FOXN2: variants seen among roughly 807,000 people sequenced by gnomAD.
The protein encoded by FOXN2 is forkhead box protein N2.
In FOXN2, 19 loss-of-function variants were observed where a neutral mutation model predicts 41.2. The observed-to-expected ratio is 0.46, with a 90% CI of 0.32 to 0.68. The LOEUF (loss-of-function observed/expected upper bound fraction) is 0.68. FOXN2 is among the 30% of genes least tolerant of loss of function. FOXN2 has a pLI of 0.03. For missense variants in FOXN2, 587 were observed against 509.4 expected (o/e 1.15, Z -1.47); for synonymous variants, 195 against 176.8 (o/e 1.10, Z -0.82).
intron 5 of FOXN2, among the ~76,000 whole-genome samples, chr2:48,369,504 C>G (rs368140821): frequency 1.3e-5 from 2 of 152,148 alleles, no homozygotes; most frequent in South Asian, 2.1e-4. Flanking sequence ...TGCCATTGCA[C>G]TCCAGCCTGG....
chr2:48,341,613 G>A (rs1003300081), intron 2 of FOXN2, among the ~76,000 whole-genome samples: 5 of 152,208 alleles, frequency 3.3e-5, no homozygotes, highest in Non-Finnish European at 7.3e-5. Context: ...ATGGATGCCA[G>A]GGTAAAATGC....
rs564464471 is a variant in FOXN2, at chr2:48,354,883, CAA to C, written c.538-4159_538-4158del. On this transcript the variant is annotated intron_variant, in intron 3 of 6. Coordinates refer to ENST00000340553, the MANE Select transcript of FOXN2 (RefSeq NM_002158.4). ...GTGAGGGACATTCAAATTAAAAGAA[CAA>C]AAAATGCTTTTTTATCTATTAGAAT... Among the ~76,000 whole-genome samples the C allele has an allele frequency of 1.2e-4, 19 of 152,122 alleles. No homozygotes were observed. The South Asian group carries it at 3.9e-3, about 32-fold the overall frequency.
chr2:48,361,800 G>A (rs1672206375), intron 4 of FOXN2, among the ~76,000 whole-genome samples: 1 of 151,986 alleles, frequency 6.6e-6, no homozygotes, highest in East Asian at 1.9e-4. Flanking sequence ...AACTGTTGGT[G>A]TCTTTCCATG....
intron 2 of FOXN2, among the ~76,000 whole-genome samples, chr2:48,329,639 C>T (rs1669905509): frequency 6.6e-6 from 1 of 152,076 alleles, no homozygotes; most frequent in Admixed American, 6.6e-5. Context: ...CTTCAGTTCT[C>T]CTGGATACAT....
chr2:48,346,509 G>C lies in FOXN2; in HGVS notation c.295G>C (p.Ala99Pro), dbSNP rs758567942. The C allele has an allele frequency of 3.6e-5, 58 of 1,613,792 alleles. No homozygotes were observed. The Admixed American group carries it at 9.3e-4, about 26-fold the overall frequency. The change falls in exon 3 of 7, where the codon GCT (alanine) becomes CCT (proline). Residue 99 changes from alanine (A) to proline (P), a missense_variant. Transcript: ENST00000340553. ...EGDDVPSFGP[A>P]CYQNPEKKSA... ...AGATGATGTGCCATCCTTTGGACCA[G>C]CTTGCTACCAGAACCCAGAAAAAAA...
At chr2:48,334,437 G>C (rs746789555) in intron 2 of FOXN2, among the ~76,000 whole-genome samples, 1 of 151,990 alleles carries the variant, frequency 6.6e-6, no homozygotes, top group East Asian at 1.9e-4. Context: ...CTAAAATAAA[G>C]GATAATGTAC....
At chr2:48,317,181 A>G (rs746428606) in intron 1 of FOXN2, among the ~76,000 whole-genome samples, 15 of 151,984 alleles carry the variant, frequency 9.9e-5, no homozygotes, top group Non-Finnish European at 1.8e-4. Flanking sequence ...GGATTGCTCA[A>G]CTCGTGCCTG....
chr2:48,318,503 G>A (rs887724405), intron 1 of FOXN2, among the ~76,000 whole-genome samples: 2 of 152,134 alleles, frequency 1.3e-5, no homozygotes, highest in Non-Finnish European at 2.9e-5. Context: ...AACTGATGAC[G>A]CTTACCTTGA....
intron 2 of FOXN2, among the ~76,000 whole-genome samples, chr2:48,338,833 G>A (rs1445238425): frequency 1.3e-5 from 2 of 152,090 alleles, no homozygotes; most frequent in African/African-American, 4.8e-5. Context: ...AAAACAAACT[G>A]TAGACCATAA....
intron 1 of FOXN2, among the ~76,000 whole-genome samples, chr2:48,326,689 C>T (rs935617149): frequency 6.6e-6 from 1 of 152,162 alleles, no homozygotes; most frequent in Non-Finnish European, 1.5e-5. Flanking sequence ...TGGAAGATTC[C>T]ACACCTGACC....
intron 3 of FOXN2, among the ~76,000 whole-genome samples, chr2:48,351,240 G>A (rs923576766): frequency 6.6e-6 from 1 of 151,414 alleles, no homozygotes; most frequent in African/African-American, 2.4e-5. Flanking sequence ...GGGATTACAG[G>A]TGTGAGCCAC....
At chr2:48,336,277 G>T in intron 2 of FOXN2, among the ~76,000 whole-genome samples, 1 of 151,320 alleles carries the variant, frequency 6.6e-6, no homozygotes. Context: ...GTGTGGTGGT[G>T]CACGCCTGTA....
At chr2:48,359,468 C>G (rs1286552886) in intron 4 of FOXN2, among the ~76,000 whole-genome samples, 1 of 151,590 alleles carries the variant, frequency 6.6e-6, no homozygotes, top group East Asian at 1.9e-4. Context: ...TAATCTTTGT[C>G]TTTTTAGTAG....
intron 1 of FOXN2, among the ~76,000 whole-genome samples, chr2:48,321,408 T>A (rs1023881299): frequency 6.6e-6 from 1 of 151,818 alleles, no homozygotes; most frequent in African/African-American, 2.4e-5. Flanking sequence ...TGGTGGCGAG[T>A]GCCTGTAGTC....
At chr2:48,317,955 A>G (rs1192316922) in intron 1 of FOXN2, among the ~76,000 whole-genome samples, 1 of 152,228 alleles carries the variant, frequency 6.6e-6, no homozygotes, top group African/African-American at 2.4e-5. Context: ...TGAGAAGGCT[A>G]TCCCTGTCCT....
At chr2:48,329,623 A>C (rs1421338945) in intron 2 of FOXN2, among the ~76,000 whole-genome samples, 2 of 152,186 alleles carry the variant, frequency 1.3e-5, no homozygotes, top group South Asian at 2.1e-4. Flanking sequence ...CTAAGAGACC[A>C]TAATGCTTCA....
intron 1 of FOXN2, among the ~76,000 whole-genome samples, chr2:48,318,829 G>A (rs149244912): frequency 7.0e-4 from 107 of 152,150 alleles, no homozygotes; most frequent in Admixed American, 2.3e-3. Context: ...TCTTGATTTC[G>A]TTAACAGTTT....
Position 48,328,711 on chromosome 2 carries a change from A to G in FOXN2, c.-15+9A>G, listed in dbSNP as rs955264933. 3 of 151,848 alleles carry G rather than the reference A, an allele frequency of 2.0e-5. No individual in the cohort carries two copies. Among genetic ancestry groups the G allele is most frequent in the Admixed American group, 6.6e-5 (1 of 15,240 alleles). The allele number at this position is 151,848 out of a possible 1,614,324, so 9.4% of individuals were successfully genotyped here. A position where few individuals can be genotyped will look rare whatever the true frequency, so the allele number is the denominator to read the frequency against. ...ACTTCTGATTCTAGATGGTAAGTATATTTTTCTCCTTTAATTATTATTTTT... is the reference window on the plus strand; with the variant it reads ...ACTTCTGATTCTAGATGGTAAGTATGTTTTTCTCCTTTAATTATTATTTTT... On this transcript the variant is annotated intron_variant, in intron 2 of 6. Transcript: ENST00000340553.
rs1312845463 is a variant in FOXN2, at chr2:48,378,758, A to T, written c.*3315A>T. Reference sequence around the variant, plus strand: ...CCAAGTTTACTTCAGTATGTTAATGATGTAGTAAAAATATTTATTGAAAGG... The same window carrying T: ...CCAAGTTTACTTCAGTATGTTAATGTTGTAGTAAAAATATTTATTGAAAGG... On this transcript the variant is annotated 3_prime_UTR_variant, in exon 7 of 7. Transcript: ENST00000340553. 6.6e-6 allele frequency: 1 copy of T among 151,376 alleles called. No individual in the cohort carries two copies. The highest frequency in any genetic ancestry group is 1.5e-5 in the Non-Finnish European group (1 of 67,762). The allele number at this position is 151,376 out of a possible 1,614,324, so 9.4% of individuals were successfully genotyped here. A position where few individuals can be genotyped will look rare whatever the true frequency, so the allele number is the denominator to read the frequency against.
Sources: gnomAD v4.1 joint callset for allele counts (sites outside exome capture counted in the v4.1 genomes callset) on GRCh38, gnomAD v4.1.1 for gene constraint, MANE v1.5 for transcripts, NCBI Gene and HGNC (gene_info 2026-07-23, HGNC 2026-07-21) for gene names.